The following AUH variants were observed in gnomAD, a reference collection of about 807,000 sequenced individuals.
The protein encoded by AUH is methylglutaconyl-CoA hydratase, mitochondrial.
In AUH, 29 loss-of-function variants were observed where a neutral mutation model predicts 42.3. That is an observed-to-expected ratio of 0.69 (90% CI 0.51 to 0.93). AUH has a LOEUF of 0.93. Among genes scored for constraint, AUH ranks in the 40% least tolerant of loss-of-function variants. The pLI is 0.00. For missense variants in AUH, 452 were observed against 438.1 expected (o/e 1.03, Z -0.28); for synonymous variants, 174 against 166.4 (o/e 1.05, Z -0.35).
In AUH at chr9:91,220,832, C is replaced by T. The variant is rs1238666545; in HGVS notation, c.816G>A (p.Leu272=). ...QEGDAAYRKA[L]DLAREFLPQG... is the part of the protein sequence containing the mutation. The stretch of plus-strand genomic sequence containing the variant: ...GAGGTAAAAACTCTCTCGCCAGGTC[C>T]AAGGCCTTCCTGTAGGCCGCGTCTC... Residue 272 remains leucine, a synonymous_variant, in exon 7 of 10, where the codon TTG becomes TTA. Transcript: ENST00000375731. 6 of 1,614,220 alleles carry T rather than the reference C, an allele frequency of 3.7e-6. No individual in the cohort carries two copies. The highest frequency in any genetic ancestry group is 2.2e-5 in the South Asian group (2 of 91,088).
chr9:91,331,122 C>T (rs1238660840), intron 3 of AUH, among the ~76,000 whole-genome samples: 1 of 152,060 alleles, frequency 6.6e-6, no homozygotes, highest in Non-Finnish European at 1.5e-5. Context: ...GAAGACCTGC[C>T]TCCCATGCTC....
At chr9:91,310,503 T>A (rs1235340202) in intron 4 of AUH, among the ~76,000 whole-genome samples, 1 of 152,200 alleles carries the variant, frequency 6.6e-6, no homozygotes, top group Non-Finnish European at 1.5e-5. Context: ...TGGGGAGATA[T>A]GGAAAGTACC....
chr9:91,221,068 A>T (rs1302836704), intron 6 of AUH, 76 bp from the exon 7 acceptor site: 1 of 1,502,764 alleles, frequency 6.7e-7, no homozygotes, highest in Non-Finnish European at 9.2e-7. Context: ...TCATATCTTC[A>T]TTTATAAAAA....
intron 3 of AUH, among the ~76,000 whole-genome samples, chr9:91,338,171 T>G (rs990785214): frequency 3.3e-5 from 5 of 152,234 alleles, no homozygotes; most frequent in African/African-American, 1.2e-4. Flanking sequence ...TCACTTTTCC[T>G]CAAAGTGAAG....
chr9:91,241,616 A>G (rs1013641442), intron 6 of AUH, among the ~76,000 whole-genome samples: 2 of 152,152 alleles, frequency 1.3e-5, no homozygotes, highest in Admixed American at 6.5e-5. Context: ...GCCCTAAAGA[A>G]AAGTCTTGAT....
At chr9:91,352,824 T>C (rs897643109) in intron 3 of AUH, among the ~76,000 whole-genome samples, 10 of 152,200 alleles carry the variant, frequency 6.6e-5, no homozygotes, top group African/African-American at 2.4e-4. Flanking sequence ...AAATAAATGC[T>C]GAGTCCCTGT....
intron 6 of AUH, among the ~76,000 whole-genome samples, chr9:91,262,842 G>GA (rs1344317217): frequency 6.6e-6 from 1 of 152,140 alleles, no homozygotes; most frequent in African/African-American, 2.4e-5. Flanking sequence ...CTGCCAGGAT[G>GA]AAAAAATCAC....
intron 4 of AUH, among the ~76,000 whole-genome samples, chr9:91,316,551 C>T (rs2131805902): frequency 6.6e-6 from 1 of 152,322 alleles, no homozygotes; most frequent in East Asian, 1.9e-4. Context: ...CTTAGTAAGA[C>T]CTGGCTTAAG....
intron 4 of AUH, among the ~76,000 whole-genome samples, chr9:91,319,193 C>A (rs1461563861): frequency 6.6e-6 from 1 of 152,172 alleles, no homozygotes; most frequent in Admixed American, 6.5e-5. Context: ...CTCTGTCTTC[C>A]ATTTTACTCA....
intron 6 of AUH, among the ~76,000 whole-genome samples, chr9:91,274,123 G>A (rs573949856): frequency 3.3e-5 from 5 of 152,054 alleles, no homozygotes; most frequent in East Asian, 1.9e-4. Context: ...GAATACAAAC[G>A]TGCAAAGCAT....
At chr9:91,258,879 C>T (rs886169266) in intron 6 of AUH, among the ~76,000 whole-genome samples, 3 of 152,078 alleles carry the variant, frequency 2.0e-5, no homozygotes, top group Non-Finnish European at 4.4e-5. Flanking sequence ...ATAAATCCTG[C>T]TTGGTTATGA....
intron 3 of AUH, among the ~76,000 whole-genome samples, chr9:91,350,936 T>C (rs746618526): frequency 6.6e-6 from 1 of 152,174 alleles, no homozygotes; most frequent in Non-Finnish European, 1.5e-5. Context: ...TTCAGAAAGT[T>C]TGAAGACAGA....
intron 4 of AUH, among the ~76,000 whole-genome samples, chr9:91,298,680 G>T (rs1051438699): frequency 1.3e-5 from 2 of 152,194 alleles, no homozygotes; most frequent in Admixed American, 1.3e-4. Flanking sequence ...TCACAAGCAT[G>T]CCTGGAAAGG....
intron 6 of AUH, among the ~76,000 whole-genome samples, chr9:91,245,535 A>G (rs1256075226): frequency 6.6e-6 from 1 of 152,214 alleles, no homozygotes; most frequent in Non-Finnish European, 1.5e-5. Flanking sequence ...TTGAGTAAAA[A>G]GTAAAGCAAA....
chr9:91,255,796 T>A (rs958464547), intron 6 of AUH, among the ~76,000 whole-genome samples: 2 of 152,164 alleles, frequency 1.3e-5, no homozygotes, highest in Non-Finnish European at 2.9e-5. Context: ...AGCAAAGTGA[T>A]CATTTAGAAA....
intron 6 of AUH, among the ~76,000 whole-genome samples, chr9:91,231,248 G>A (rs369623380): frequency 3.9e-5 from 6 of 152,192 alleles, no homozygotes; most frequent in East Asian, 3.9e-4. Context: ...ATATAATCTC[G>A]TGGTGCGCCG....
At chr9:91,350,028 C>A (rs571240158) in intron 3 of AUH, among the ~76,000 whole-genome samples, 1 of 152,088 alleles carries the variant, frequency 6.6e-6, no homozygotes, top group Admixed American at 6.5e-5. Flanking sequence ...CAGAATGTCA[C>A]GATCAACAAT....
intron 6 of AUH, among the ~76,000 whole-genome samples, chr9:91,238,629 G>C (rs542151864): frequency 6.6e-6 from 1 of 152,210 alleles, no homozygotes; most frequent in Non-Finnish European, 1.5e-5. Context: ...AGATATACTT[G>C]AAATGTAATA....
At chr9:91,214,515 A>G (rs915313653) in intron 9 of AUH, 90 bp from the exon 10 acceptor site, 2 of 1,096,186 alleles carry the variant, frequency 1.8e-6, no homozygotes, top group South Asian at 1.4e-5. Context: ...ACTTAGAACC[A>G]CATTCTAAAA....
Sources: allele counts gnomAD v4.1 joint callset (sites outside exome capture counted in the v4.1 genomes callset), GRCh38; gene constraint gnomAD v4.1.1; transcripts MANE v1.5; gene names NCBI Gene and HGNC (gene_info 2026-07-23, HGNC 2026-07-21).